ZFP37: variants seen among roughly 807,000 people sequenced by gnomAD.
The protein encoded by ZFP37 is zinc finger protein 37 homolog.
Under a neutral mutation model 52.1 loss-of-function variants are expected in ZFP37, and 38 were observed. The ratio of observed to expected loss-of-function variants is 0.73; its 90% CI spans 0.56 to 0.96. The LOEUF (loss-of-function observed/expected upper bound fraction) is 0.96. Among genes scored for constraint, ZFP37 ranks in the 40% least tolerant of loss-of-function variants. The pLI is 0.00. For synonymous variants in ZFP37, 253 were observed against 259.5 expected, an observed-to-expected ratio of 0.98 and a Z score of 0.24; for missense variants, 695 against 741.4, an observed-to-expected ratio of 0.94 and a Z score of 0.73.
intron 1 of ZFP37, among the ~76,000 whole-genome samples, chr9:113,056,025 C>G (rs1180785012): frequency 7.0e-6 from 1 of 142,042 alleles, no homozygotes; most frequent in Non-Finnish European, 1.5e-5. Flanking sequence ...CCCTCACTGG[C>G]CCCCCGATTC....
At chr9:113,045,776 T>C (rs991152653) in intron 3 of ZFP37, among the ~76,000 whole-genome samples, 1 of 152,248 alleles carries the variant, frequency 6.6e-6, no homozygotes, top group Non-Finnish European at 1.5e-5. Context: ...TAGCTAGCTA[T>C]GGATACTACA....
Position 113,043,781 on chromosome 9 carries a change from T to C in ZFP37, c.837A>G (p.Ser279=). The C allele has an allele frequency of 1.2e-6, 2 of 1,613,894 alleles. No homozygotes were observed. The highest frequency in any genetic ancestry group is 1.6e-4 in the Middle Eastern group (1 of 6,062). The part of the protein sequence containing the change: ...EKHEKSPSLS[S]STKHEKPQAC... ...CTTGAGGTTTTTCATGCTTAGTAGA[T>C]GAGCTAAGGCTGGGTGATTTCTCAT... The change falls in exon 4 of 4, where the codon TCA becomes TCG. Residue 279 remains serine (S), a synonymous_variant. Coordinates refer to ENST00000374227, the MANE Select transcript of ZFP37 (RefSeq NM_003408.3).
chr9:113,056,637 G>C lies in ZFP37; in HGVS notation c.52C>G (p.Arg18Gly). Residue 18 changes from arginine (R) to glycine (G), a missense_variant, in exon 1 of 4, where the codon CGG becomes GGG. By Grantham distance (125) the Arg-to-Gly change is moderately radical (BLOSUM62 -2). Around this residue, in one of 2 missense-constraint regions of ZFP37, gnomAD observed 369 missense variants for 340.9 expected, o/e 1.08. Transcript: ENST00000374227. ...QILTKPETVDRRRSAETTKEA... is the reference protein window; with the variant it reads ...QILTKPETVDGRRSAETTKEA... ...TTGGTCGTTTCCGCACTTCTCCTCC[G>C]GTCCACGGTCTCTGGCTTTGTCAGA... The C allele has an allele frequency of 6.2e-6, 10 of 1,613,936 alleles. No homozygotes were observed. Among genetic ancestry groups the C allele is most frequent in the Non-Finnish European group, 7.6e-6 (9 of 1,179,984 alleles).
Position 113,049,831 on chromosome 9 carries a change from A to G in ZFP37, c.174T>C (p.Asn58=). The change falls in exon 2 of 4, where the codon AAT becomes AAC. Residue 58 remains asparagine (N), a synonymous_variant. Coordinates refer to ENST00000374227, the MANE Select transcript of ZFP37 (RefSeq NM_003408.3). The part of the protein sequence containing the change: ...QLDPAQSNLY[N]DVMLENYCNQ... The stretch of plus-strand genomic sequence containing the variant: ...TGCAGTAGTTCTCCAGCATCACATC[A>G]TTATACAGGTTGCTCTGAGCAGGAT... 6.2e-7 allele frequency: 1 copy of G among 1,614,058 alleles called. No individual in the cohort carries two copies.
In ZFP37 at chr9:113,042,035, AAGAGAC is replaced by A. The variant is rs1380980486; in HGVS notation, c.*684_*689del. On this transcript the variant is annotated 3_prime_UTR_variant, in exon 4 of 4. Coordinates refer to ENST00000374227, the MANE Select transcript of ZFP37 (RefSeq NM_003408.3). ...CAAAGATACATACACATACAGAGAT[AAGAGAC>A]AGAGGTTAAACAAACATACCCTTTT... 3.3e-5 allele frequency: 5 copies of A among 152,218 alleles called. No individual in the cohort carries two copies. Among genetic ancestry groups the A allele is most frequent in the Admixed American group, 3.3e-4 (5 of 15,282 alleles). 9.4% of individuals were successfully genotyped at this position (152,218 alleles called of 1,614,324 possible).
chr9:113,045,500 T>C (rs554895823), intron 3 of ZFP37, among the ~76,000 whole-genome samples: 26 of 152,342 alleles, frequency 1.7e-4, no homozygotes, highest in African/African-American at 6.3e-4. Flanking sequence ...TTGTCAGTTA[T>C]AAATTTTAAG....
chr9:113,056,440 T>C lies in ZFP37; in HGVS notation c.132+117A>G, dbSNP rs1005504308. 9.3e-6 allele frequency: 14 copies of C among 1,507,906 alleles called. No homozygotes were observed. In the African/African-American group the frequency reaches 1.6e-4, roughly 18 times the overall value. 93.4% of individuals were successfully genotyped at this position (1,507,906 alleles called of 1,614,324 possible). On this transcript the variant is annotated intron_variant, in intron 1 of 3. Coordinates refer to ENST00000374227, the MANE Select transcript of ZFP37 (RefSeq NM_003408.3). ...AGAACACCGACCTCCCAAAAGACCA[T>C]CTAGCATCGATTCCACCAATTCCCA...
intron 1 of ZFP37, among the ~76,000 whole-genome samples, chr9:113,051,198 C>A (rs1057241585): frequency 1.3e-5 from 2 of 151,930 alleles, no homozygotes; most frequent in African/African-American, 4.8e-5. Flanking sequence ...TGATAATGTG[C>A]TTGTACAACT....
intron 3 of ZFP37, 91 bp downstream of exon 3, chr9:113,049,271 C>A: frequency 7.2e-7 from 1 of 1,381,288 alleles, no homozygotes; most frequent in Non-Finnish European, 9.9e-7. Flanking sequence ...TTTTCTATTG[C>A]TATTTTCTAG....
chr9:113,047,107 T>TAA (rs376369021), intron 3 of ZFP37, among the ~76,000 whole-genome samples: 37 of 118,570 alleles, frequency 3.1e-4, no homozygotes, highest in Admixed American at 6.8e-4. Context: ...AGACTCCGTC[T>TAA]AAAAAAAAAA....
chr9:113,056,477 G>A lies in ZFP37; in HGVS notation c.132+80C>T. On this transcript the variant is annotated intron_variant, in intron 1 of 3. Coordinates refer to ENST00000374227, the MANE Select transcript of ZFP37 (RefSeq NM_003408.3). ...TCCACCAATTCCCAAATCACCTATC[G>A]TCACAGACTACTCCAATCACTGCCC... 2.3e-5 allele frequency: 36 copies of A among 1,562,006 alleles called. No individual in the cohort carries two copies. In the South Asian group the frequency reaches 4.1e-4, roughly 18 times the overall value.
chr9:113,040,393 T>A lies in ZFP37; in HGVS notation c.*2332A>T, dbSNP rs1485123684. ...TGCTATATTTCCACTTGTTAAGAAA[T>A]TACTGGTAGAAATGGCTTTCATATT... On this transcript the variant is annotated 3_prime_UTR_variant, in exon 4 of 4. Transcript: ENST00000374227. 1 of 152,202 alleles carries A rather than the reference T, an allele frequency of 6.6e-6. No individual in the cohort carries two copies. The highest frequency in any genetic ancestry group is 1.5e-5 in the Non-Finnish European group (1 of 68,034). 9.4% of individuals were successfully genotyped at this position (152,202 alleles called of 1,614,324 possible). A position where few individuals can be genotyped will look rare whatever the true frequency, so the allele number is the denominator to read the frequency against.
rs779108238 is a variant in ZFP37, at chr9:113,044,154, C to G, written c.464G>C (p.Gly155Ala). Residue 155 changes from glycine (G) to alanine (A), a missense_variant, in exon 4 of 4, where the codon GGT (glycine) becomes GCT (alanine). Around this residue, in one of 2 missense-constraint regions of ZFP37, gnomAD observed 369 missense variants for 340.9 expected, o/e 1.08. Transcript: ENST00000374227. ...CAAATTATTTTTTTTCCCCAGTGAA[C>G]CACAGTCACTGCCATTCTTCTTAGC... ...TQAKKNGSDC[G>A]SLGKKNNLHK... 20 of 1,612,446 alleles carry G rather than the reference C, an allele frequency of 1.2e-5. No individual in the cohort carries two copies. The Admixed American group carries it at 3.3e-4, about 27-fold the overall frequency.
rs1232773098 is a variant in ZFP37 at position 113,042,992 on chromosome 9, C to T, written c.1626G>A (p.Glu542=). 6 of 1,613,770 alleles carry T rather than the reference C, an allele frequency of 3.7e-6. No homozygotes were observed. The African/African-American group carries it at 5.3e-5, about 14-fold the overall frequency. The change falls in exon 4 of 4, where the codon GAG becomes GAA. Residue 542 remains glutamate (E), a synonymous_variant. Transcript: ENST00000374227. ...CACATTCATTACACTCATACGGTTTCTCTCCAGTATGAACTCTCTGATGTT... is the reference window on the plus strand; with the variant it reads ...CACATTCATTACACTCATACGGTTTTTCTCCAGTATGAACTCTCTGATGTT... The part of the protein sequence containing the change: ...LTQHQRVHTG[E]KPYECNECGK...
In ZFP37 at chr9:113,056,612, T is replaced by C. The variant is rs1361385618; in HGVS notation, c.77A>G (p.Lys26Arg). ...CATCTCCAGTGGTCGCCCGGCCTCTTTGGTCGTTTCCGCACTTCTCCTCCG... is the reference window on the plus strand; with the variant it reads ...CATCTCCAGTGGTCGCCCGGCCTCTCTGGTCGTTTCCGCACTTCTCCTCCG... Reference protein sequence around the residue: ...VDRRRSAETTKEAGRPLEMAV... With the variant: ...VDRRRSAETTREAGRPLEMAV... The change falls in exon 1 of 4, where the codon AAA becomes AGA. Residue 26 changes from lysine to arginine, a missense_variant. By Grantham distance (26) the Lys-to-Arg change is conservative. This residue lies in a region of ZFP37 where 369 missense variants were observed against 340.9 expected (regional missense o/e 1.08). Transcript: ENST00000374227. The C allele has an allele frequency of 5.0e-6, 8 of 1,613,796 alleles. No homozygotes were observed. The highest frequency in any genetic ancestry group is 6.8e-6 in the Non-Finnish European group (8 of 1,180,002).
Position 113,038,670 on chromosome 9 carries a change from C to T in ZFP37, c.*4055G>A, listed in dbSNP as rs1828801577. ...TGGTGGCATGCACCTGTAGTCCCAG[C>T]TACTAGGAAGGCTAAGGTGGGAGGA... On this transcript the variant is annotated 3_prime_UTR_variant, in exon 4 of 4. Coordinates refer to ENST00000374227, the MANE Select transcript of ZFP37 (RefSeq NM_003408.3). 1 of 151,412 alleles carries T rather than the reference C, an allele frequency of 6.6e-6. No individual in the cohort carries two copies. Among genetic ancestry groups the T allele is most frequent in the Non-Finnish European group, 1.5e-5 (1 of 67,994 alleles). 9.4% of individuals were successfully genotyped at this position (151,412 alleles called of 1,614,324 possible). A position where few individuals can be genotyped will look rare whatever the true frequency, so the allele number is the denominator to read the frequency against.
chr9:113,042,829 C>A lies in ZFP37; in HGVS notation c.1789G>T (p.Gly597Ter). 6.2e-7 allele frequency: 1 copy of A among 1,613,420 alleles called. No homozygotes were observed. Among genetic ancestry groups the A allele is most frequent in the South Asian group, 1.1e-5 (1 of 90,926 alleles). The change falls in exon 4 of 4, where the codon GGA becomes TGA. Residue 597 changes from glycine (G) to a stop codon, truncating the protein, a stop_gained. Transcript: ENST00000374227. LOFTEE classifies it high-confidence loss of function. ...TCATTACATTCATAGGGTTTTTCTC[C>A]AGTGTGGGATCGCTGATGTATAACA... Reference protein sequence around the residue: ...QLVIHQRSHTGEKPYECNECG... With the variant: ...QLVIHQRSHT
Position 113,042,947 on chromosome 9 carries a change from C to A in ZFP37, c.1671G>T (p.Lys557Asn), listed in dbSNP as rs1267712120. The change falls in exon 4 of 4, where the codon AAG becomes AAT. Residue 557 changes from lysine (K) to asparagine (N), a missense_variant. Physicochemically the swap from Lys to Asn is moderately conservative, Grantham distance 94. Coordinates refer to ENST00000374227, the MANE Select transcript of ZFP37 (RefSeq NM_003408.3). ...TTCTCTGATGTACAATGAGGTGAGA[C>A]TTTTGGCTAAAGGCTTTCCCACATT... Reference protein sequence around the residue: ...CNECGKAFSQKSHLIVHQRTH... With the variant: ...CNECGKAFSQNSHLIVHQRTH... The A allele has an allele frequency of 6.2e-7, 1 of 1,613,796 alleles. No individual in the cohort carries two copies. The highest frequency in any genetic ancestry group is 1.7e-5 in the Admixed American group (1 of 60,002).
chr9:113,044,856 C>T (rs535090856), intron 3 of ZFP37, among the ~76,000 whole-genome samples: 2 of 151,982 alleles, frequency 1.3e-5, no homozygotes, highest in Non-Finnish European at 2.9e-5. Context: ...AAACAGAAAG[C>T]TCGTCAAGTC....
Sources: allele counts gnomAD v4.1 joint callset (sites outside exome capture counted in the v4.1 genomes callset), GRCh38; gene constraint gnomAD v4.1.1; regional missense constraint gnomAD v4.1.1; transcripts MANE v1.5; gene names NCBI Gene and HGNC (gene_info 2026-07-23, HGNC 2026-07-21).